The following LRRC7 variants were observed in gnomAD, a reference collection of about 807,000 sequenced individuals.
The protein encoded by LRRC7 is leucine rich repeat containing 7.
Under a neutral mutation model 175.7 loss-of-function variants are expected in LRRC7, and 23 were observed. That is an observed-to-expected ratio of 0.13 (90% confidence interval 0.09 to 0.19). The LOEUF is 0.19. Ranked by LOEUF, LRRC7 falls within the 10% of genes least tolerant of loss-of-function variation. LRRC7 has a pLI of 1.00. For missense variants in LRRC7, 1,354 were observed against 1,904.7 expected (o/e 0.71, Z 5.38); for synonymous variants, 685 against 680.9 (o/e 1.01, Z -0.09).
chr1:69,699,296 C>G (rs180818236), intron 2 of LRRC7, among the ~76,000 whole-genome samples: 235 of 152,234 alleles, frequency 1.5e-3, no homozygotes, highest in Non-Finnish European at 2.9e-3. Flanking sequence ...AATCCCAGCA[C>G]TTTGGGAGGC....
Position 70,082,781 on chromosome 1 carries a change from A to ATCTTTT in LRRC7, c.4452+6484_4452+6485insCTTTTT, listed in dbSNP as rs1553201466. On this transcript the variant is annotated intron_variant, in intron 24 of 26. Transcript: ENST00000651989. ...TATTAGTCAATCTTGATACCAGTACATTTTTTTTTTTTTTTTTTTTTTTTT... is the reference window on the plus strand; with the variant it reads ...TATTAGTCAATCTTGATACCAGTACATCTTTTTTTTTTTTTTTTTTTTTTTTTTTTT... Among the ~76,000 whole-genome samples the ATCTTTT allele has an allele frequency of 2.1e-3, 112 of 52,308 alleles. 36 individuals are homozygous for ATCTTTT. The highest frequency in any genetic ancestry group is 3.6e-3 in the East Asian group (5 of 1,408). The allele number at this position is 52,308 out of a possible 152,430, so 34.3% of individuals were successfully genotyped here. A position where few individuals can be genotyped will look rare whatever the true frequency, so the allele number is the denominator to read the frequency against.
At chr1:69,589,570 G>T (rs561698816) in intron 1 of LRRC7, among the ~76,000 whole-genome samples, 8 of 152,236 alleles carry the variant, frequency 5.3e-5, no homozygotes, top group African/African-American at 1.9e-4. Flanking sequence ...TTAGAGGTTT[G>T]TAGACTTCCA....
At chr1:69,923,738 C>T (rs1646966981) in intron 7 of LRRC7, among the ~76,000 whole-genome samples, 1 of 151,856 alleles carries the variant, frequency 6.6e-6, no homozygotes, top group Non-Finnish European at 1.5e-5. Flanking sequence ...AAAATTTTCT[C>T]CCATTTTGTG....
At chr1:69,632,535 A>G (rs570007104) in intron 1 of LRRC7, among the ~76,000 whole-genome samples, 1 of 152,246 alleles carries the variant, frequency 6.6e-6, no homozygotes. Context: ...ATTTTACATT[A>G]ATTTTCCCTT....
chr1:69,819,022 T>A (rs2101191009), intron 4 of LRRC7, among the ~76,000 whole-genome samples: 1 of 150,606 alleles, frequency 6.6e-6, no homozygotes, highest in Non-Finnish European at 1.5e-5. Context: ...AATTTTATCT[T>A]CTCAAAAAAA....
chr1:69,869,421 C>T (rs898759835), intron 7 of LRRC7, among the ~76,000 whole-genome samples: 1 of 151,864 alleles, frequency 6.6e-6, no homozygotes, highest in Non-Finnish European at 1.5e-5. Context: ...AAAAAAAAAT[C>T]CAAAGTAAGA....
chr1:69,905,465 T>C (rs1188033635), intron 7 of LRRC7, among the ~76,000 whole-genome samples: 6 of 152,088 alleles, frequency 3.9e-5, no homozygotes, highest in African/African-American at 1.4e-4. Flanking sequence ...TGTCCATGTG[T>C]TCTCATTGTT....
intron 18 of LRRC7, among the ~76,000 whole-genome samples, chr1:70,034,676 C>T (rs962158819): frequency 6.6e-6 from 1 of 152,332 alleles, no homozygotes; most frequent in East Asian, 1.9e-4. Flanking sequence ...AATCCTGCTG[C>T]AGTGCTGGAT....
chr1:69,632,926 C>T (rs965886335), intron 1 of LRRC7, among the ~76,000 whole-genome samples: 1 of 151,904 alleles, frequency 6.6e-6, no homozygotes, highest in Non-Finnish European at 1.5e-5. Flanking sequence ...TCTATAATTT[C>T]CAAATAATTG....
Position 70,142,266 on chromosome 1 carries a change from T to C in LRRC7, c.*20379T>C, listed in dbSNP as rs1023965653. The C allele has an allele frequency of 6.6e-6, 1 of 152,202 alleles. No homozygotes were observed. The highest frequency in any genetic ancestry group is 1.5e-5 in the Non-Finnish European group (1 of 68,006). 9.4% of individuals were successfully genotyped at this position (152,202 alleles called of 1,614,324 possible). On this transcript the variant is annotated 3_prime_UTR_variant, in exon 27 of 27. Transcript: ENST00000651989. ...GCATCTGGTTCAGGTCAGTAAGGAC[T>C]GTTGTATGTAAGTTTTACTCTAGAA...
At chr1:69,590,540 C>T (rs115930317) in intron 1 of LRRC7, among the ~76,000 whole-genome samples, 1,562 of 152,122 alleles carry the variant, frequency 0.01, 25 homozygotes, top group African/African-American at 0.036. Flanking sequence ...AAAAATGGTC[C>T]GTAACAATGG....
At position 69,959,336 on chromosome 1, in the gene LRRC7, GA is replaced by G. The variant is rs899443680; in HGVS notation, c.712-21041del. On this transcript the variant is annotated intron_variant, in intron 8 of 26. Transcript: ENST00000651989. ...TGTTAATGAATCTCAGCTTAGGAAG[GA>G]AGGAAAGATAGGTAAATAGAGACAA... Among the ~76,000 whole-genome samples, 16 of 152,138 alleles carry G rather than the reference GA, an allele frequency of 1.1e-4. No individual in the cohort carries two copies. The East Asian group carries it at 2.3e-3, about 22-fold the overall frequency.
chr1:69,703,323 A>G (rs1250473327), intron 2 of LRRC7, among the ~76,000 whole-genome samples: 1 of 152,206 alleles, frequency 6.6e-6, no homozygotes, highest in East Asian at 1.9e-4. Context: ...ATAAAAATAA[A>G]TAAATCTAGT....
chr1:69,590,245 A>G (rs906214764), intron 1 of LRRC7, among the ~76,000 whole-genome samples: 1 of 152,158 alleles, frequency 6.6e-6, no homozygotes, highest in African/African-American at 2.4e-5. Flanking sequence ...AGTTCCAACT[A>G]GGTTATAAGC....
At chr1:69,954,570 T>C (rs1253303610) in intron 8 of LRRC7, among the ~76,000 whole-genome samples, 3 of 152,048 alleles carry the variant, frequency 2.0e-5, no homozygotes, top group African/African-American at 7.2e-5. Context: ...CCAAAGCATA[T>C]GTTATAAGCT....
intron 7 of LRRC7, among the ~76,000 whole-genome samples, chr1:69,859,918 A>C (rs1441808400): frequency 3.3e-5 from 5 of 151,992 alleles, no homozygotes; most frequent in African/African-American, 1.2e-4. Context: ...ATCTTTTAGT[A>C]TTAGTAAGTT....
intron 9 of LRRC7, among the ~76,000 whole-genome samples, chr1:69,985,270 T>G (rs753485674): frequency 3.9e-5 from 6 of 152,222 alleles, no homozygotes; most frequent in Non-Finnish European, 7.3e-5. Flanking sequence ...ACACAGATAC[T>G]GGTGCATAGT....
At chr1:69,711,907 A>G (rs1331014992) in intron 2 of LRRC7, among the ~76,000 whole-genome samples, 1 of 152,200 alleles carries the variant, frequency 6.6e-6, no homozygotes, top group Non-Finnish European at 1.5e-5. Flanking sequence ...AGAAAGATGT[A>G]GAAAGTTCAG....
Position 70,053,089 on chromosome 1 carries a change from T to C in LRRC7, c.4174T>C (p.Trp1392Arg), listed in dbSNP as rs1571185025. ...AGAAGATGTATCTCCTAGTGGCCAATGGAATCCTTATCCACTTGGGAGGCG... is the reference window on the plus strand; with the variant it reads ...AGAAGATGTATCTCCTAGTGGCCAACGGAATCCTTATCCACTTGGGAGGCG... Reference protein sequence around the residue: ...GQEDVSPSGQWNPYPLGRRDV... With the variant: ...GQEDVSPSGQRNPYPLGRRDV... Residue 1392 changes from tryptophan to arginine, a missense_variant, in exon 23 of 27, where the codon TGG becomes CGG. Trp to Arg is a moderately radical substitution (Grantham distance 101). Around this residue, in one of 4 missense-constraint regions of LRRC7, gnomAD observed 1,032 missense variants for 1,227.2 expected, o/e 0.84. Coordinates refer to ENST00000651989, the MANE Select transcript of LRRC7 (RefSeq NM_001370785.2). The C allele has an allele frequency of 1.9e-6, 3 of 1,611,590 alleles. No homozygotes were observed. Among genetic ancestry groups the C allele is most frequent in the Non-Finnish European group, 8.5e-7 (1 of 1,178,622 alleles).
Sources: allele counts gnomAD v4.1 joint callset (sites outside exome capture counted in the v4.1 genomes callset), GRCh38; gene constraint gnomAD v4.1.1; regional missense constraint gnomAD v4.1.1; transcripts MANE v1.5; gene names NCBI Gene and HGNC (gene_info 2026-07-23, HGNC 2026-07-21).